Variants in MMAA observed in about 807,000 individuals in gnomAD.
MMAA encodes metabolism of cobalamin associated A, also known as methylmalonic aciduria type A protein, mitochondrial.
A neutral mutation model predicts 45.0 loss-of-function variants in MMAA; 41 were observed. The ratio of observed to expected loss-of-function variants is 0.91; its 90% confidence interval spans 0.71 to 1.18. The LOEUF (loss-of-function observed/expected upper bound fraction) is 1.18, where lower values mean the gene tolerates loss of function less well. MMAA is among the 50% of genes most tolerant of loss of function. The probability of loss-of-function intolerance (pLI) is 0.00; values close to 1 mark genes in which losing one functional copy is unlikely to be tolerated. For missense variants in MMAA, 460 were observed against 495.7 expected (o/e 0.93, Z 0.68); for synonymous variants, 154 against 178.2 (o/e 0.86, Z 1.08).
At chr4:145,624,469 G>A (rs570825066) in intron 1 of MMAA, 1 of 864,016 alleles carries the variant, frequency 1.2e-6, no homozygotes, top group Non-Finnish European at 1.9e-6. Flanking sequence ...TCAGTATTAG[G>A]CCCTTTCTTA....
At chr4:145,630,642 C>T (rs989127878) in intron 1 of MMAA, among the ~76,000 whole-genome samples, 2 of 152,152 alleles carry the variant, frequency 1.3e-5, no homozygotes, top group African/African-American at 2.4e-5. Context: ...GCAGGAGAAT[C>T]GCTTGAACCC....
chr4:145,656,874 G>A lies in MMAA; in HGVS notation c.*1440G>A, dbSNP rs1314511038. 6.6e-6 allele frequency: 1 copy of A among 152,022 alleles called. No individual in the cohort carries two copies. The highest frequency in any genetic ancestry group is 1.5e-5 in the Non-Finnish European group (1 of 67,992). 9.4% of individuals were successfully genotyped at this position (152,022 alleles called of 1,614,324 possible). ...AACAAACATCCCTTTACATTTTTTG[G>A]AAAGATTTTTAGTACTCCATTGGCA... On this transcript the variant is annotated 3_prime_UTR_variant, in exon 7 of 7. Coordinates refer to ENST00000649156, the MANE Select transcript of MMAA (RefSeq NM_172250.3).
Position 145,624,563 on chromosome 4 carries a change from A to G in MMAA, c.-66+5156A>G, listed in dbSNP as rs1026998001. 4.2e-6 allele frequency: 5 copies of G among 1,201,772 alleles called. No homozygotes were observed. The African/African-American group carries it at 4.5e-5, about 11-fold the overall frequency. 74.4% of individuals were successfully genotyped at this position (1,201,772 alleles called of 1,614,324 possible). ...TGACTTGGAAGGAATCAGCAATTCT[A>G]GAAGGAACCAGCAATTCTAGAAGGA... On this transcript the variant is annotated intron_variant, in intron 1 of 6. Coordinates refer to ENST00000649156, the MANE Select transcript of MMAA (RefSeq NM_172250.3).
intron 1 of MMAA, among the ~76,000 whole-genome samples, chr4:145,632,367 CA>C (rs1377833359): frequency 6.6e-6 from 1 of 152,184 alleles, no homozygotes; most frequent in Non-Finnish European, 1.5e-5. Context: ...AGCCTGCTTC[CA>C]GTCATATTGG....
chr4:145,646,283 A>T, intron 4 of MMAA, 127 bp downstream of exon 4: 2 of 1,040,372 alleles, frequency 1.9e-6, no homozygotes, highest in South Asian at 2.8e-5. Flanking sequence ...AAGATATCCC[A>T]TACTCCCTAG....
chr4:145,650,798 A>G, intron 4 of MMAA: 2 of 485,870 alleles, frequency 4.1e-6, no homozygotes, highest in South Asian at 2.5e-5. Context: ...AAGAGCTGTG[A>G]GAGTGAGGAG....
At chr4:145,650,186 A>G (rs368248895) in intron 4 of MMAA, among the ~76,000 whole-genome samples, 10 of 152,206 alleles carry the variant, frequency 6.6e-5, no homozygotes, top group African/African-American at 2.2e-4. Context: ...GAAAGATTTG[A>G]GCACAATTTA....
intron 1 of MMAA, chr4:145,625,368 G>A: frequency 1.4e-6 from 1 of 701,680 alleles, no homozygotes; most frequent in Non-Finnish European, 2.7e-6. Flanking sequence ...CAGTCCTGGG[G>A]GTTGGTGCTG....
At chr4:145,633,349 C>T (rs1347214888) in intron 1 of MMAA, among the ~76,000 whole-genome samples, 2 of 151,680 alleles carry the variant, frequency 1.3e-5, no homozygotes, top group South Asian at 2.1e-4. Flanking sequence ...CAGTACCCAC[C>T]ACCACACCTG....
At chr4:145,629,057 A>G (rs751266098) in intron 1 of MMAA, among the ~76,000 whole-genome samples, 1 of 152,216 alleles carries the variant, frequency 6.6e-6, no homozygotes, top group Non-Finnish European at 1.5e-5. Flanking sequence ...TTCAGCATCA[A>G]TTGAAATGCT....
chr4:145,648,147 CTTT>C (rs79060790), intron 4 of MMAA, among the ~76,000 whole-genome samples: 4 of 125,176 alleles, frequency 3.2e-5, no homozygotes, highest in African/African-American at 5.9e-5. Flanking sequence ...CGTGCCTGGC[CTTT>C]TTTTTTTTTT....
chr4:145,647,578 C>G (rs1418196499), intron 4 of MMAA, among the ~76,000 whole-genome samples: 2 of 152,184 alleles, frequency 1.3e-5, no homozygotes, highest in Non-Finnish European at 2.9e-5. Flanking sequence ...ACTGGAAGTT[C>G]AACATCAAGG....
chr4:145,620,430 A>G (rs1447861579), intron 1 of MMAA, among the ~76,000 whole-genome samples: 2 of 152,226 alleles, frequency 1.3e-5, no homozygotes, highest in Non-Finnish European at 2.9e-5. Flanking sequence ...GATTGTTGCC[A>G]TGTGGGAATG....
intron 1 of MMAA, among the ~76,000 whole-genome samples, chr4:145,636,649 G>A (rs1372951273): frequency 6.6e-6 from 1 of 152,182 alleles, no homozygotes; most frequent in Non-Finnish European, 1.5e-5. Context: ...TGGAAAGCCT[G>A]CCTCAACCTT....
At chr4:145,629,261 G>C (rs1475955259) in intron 1 of MMAA, among the ~76,000 whole-genome samples, 4 of 152,128 alleles carry the variant, frequency 2.6e-5, no homozygotes, top group African/African-American at 9.7e-5. Flanking sequence ...CTCCCGTGTA[G>C]CTGGGACTAC....
chr4:145,620,611 T>C (rs13101776), intron 1 of MMAA, among the ~76,000 whole-genome samples: 4,239 of 152,364 alleles, frequency 0.028, 89 homozygotes, highest in Non-Finnish European at 0.043. Context: ...TTCACCTTAG[T>C]ACAGTCCTAC....
chr4:145,632,916 A>G (rs1019861094), intron 1 of MMAA, among the ~76,000 whole-genome samples: 9 of 151,554 alleles, frequency 5.9e-5, no homozygotes, highest in African/African-American at 2.2e-4. Flanking sequence ...ACACCCAGCT[A>G]ATTTTTTTGT....
At position 145,658,964 on chromosome 4, in the gene MMAA, T is replaced by C. The variant is rs568976783; in HGVS notation, c.*3530T>C. The C allele has an allele frequency of 1.3e-5, 2 of 152,318 alleles. No individual in the cohort carries two copies. Among genetic ancestry groups the C allele is most frequent in the South Asian group, 2.1e-4 (1 of 4,824 alleles). The allele number at this position is 152,318 out of a possible 1,614,324, so 9.4% of individuals were successfully genotyped here. ...AACTCCTCCTAAAGTTGAATTCTTATCCAAGTGGACATATGTTAGGGTGCC... is the reference window on the plus strand; with the variant it reads ...AACTCCTCCTAAAGTTGAATTCTTACCCAAGTGGACATATGTTAGGGTGCC... On this transcript the variant is annotated 3_prime_UTR_variant, in exon 7 of 7. Transcript: ENST00000649156.
At chr4:145,646,244 A>T (rs1460662389) in intron 4 of MMAA, 88 bp downstream of exon 4, 1 of 1,457,798 alleles carries the variant, frequency 6.9e-7, no homozygotes, top group Non-Finnish European at 9.6e-7. Context: ...TTCATTCAGC[A>T]GATATTTGCT....
Sources: gnomAD v4.1 joint callset for allele counts (sites outside exome capture counted in the v4.1 genomes callset) on GRCh38, gnomAD v4.1.1 for gene constraint, MANE v1.5 for transcripts, NCBI Gene and HGNC (gene_info 2026-07-23, HGNC 2026-07-21) for gene names.